The following NOL4L variants were observed in gnomAD, a reference collection of about 807,000 sequenced individuals.
The protein encoded by NOL4L is nucleolar protein 4-like.
In NOL4L, 7 loss-of-function variants were observed where a neutral mutation model predicts 64.5. The ratio of observed to expected loss-of-function variants is 0.11; its 90% CI spans 0.06 to 0.20. The LOEUF (loss-of-function observed/expected upper bound fraction) is 0.20, where lower values mean the gene tolerates loss of function less well. Among genes scored for constraint, NOL4L ranks in the 10% least tolerant of loss-of-function variants. The pLI is 1.00. For missense variants in NOL4L, 680 were observed against 967.1 expected (o/e 0.70, Z 3.94); for synonymous variants, 413 against 401.0 (o/e 1.03, Z -0.36).
At chr20:32,528,784 A>C (rs1461017250) in intron 1 of NOL4L, among the ~76,000 whole-genome samples, 3 of 152,212 alleles carry the variant, frequency 2.0e-5, no homozygotes, top group Non-Finnish European at 4.4e-5. Context: ...CACAAGGGAG[A>C]TACACAGACC....
At chr20:32,540,751 G>A (rs531509331) in intron 1 of NOL4L, among the ~76,000 whole-genome samples, 8 of 152,096 alleles carry the variant, frequency 5.3e-5, no homozygotes, top group African/African-American at 1.2e-4. Flanking sequence ...GAAAGCCCTC[G>A]GTCCGTGTTT....
intron 4 of NOL4L, among the ~76,000 whole-genome samples, chr20:32,488,816 T>G (rs1238008514): frequency 5.1e-5 from 1 of 19,544 alleles, no homozygotes; most frequent in East Asian, 3.5e-3. Flanking sequence ...TTTCTTTCTT[T>G]CTTTCTTTCT....
chr20:32,578,749 C>T (rs1176146657), intron 1 of NOL4L, among the ~76,000 whole-genome samples: 2 of 152,310 alleles, frequency 1.3e-5, no homozygotes, highest in African/African-American at 4.8e-5. Flanking sequence ...CTGAGAGAGG[C>T]CAGGCAGGCT....
chr20:32,568,907 T>C (rs572387829), intron 1 of NOL4L, among the ~76,000 whole-genome samples: 15 of 152,296 alleles, frequency 9.8e-5, no homozygotes, highest in African/African-American at 3.6e-4. Context: ...AGCCCTCATG[T>C]TGGCCCCACA....
chr20:32,473,061 C>T (rs1435117794), intron 5 of NOL4L, among the ~76,000 whole-genome samples: 1 of 152,230 alleles, frequency 6.6e-6, no homozygotes, highest in South Asian at 2.1e-4. Flanking sequence ...AATCACCAGA[C>T]CTCCCCAGGA....
At chr20:32,475,509 G>C (rs566269559) in intron 4 of NOL4L, among the ~76,000 whole-genome samples, 1 of 152,226 alleles carries the variant, frequency 6.6e-6, no homozygotes, top group African/African-American at 2.4e-5. Flanking sequence ...TGCCGGCTTC[G>C]GGCCGGCCCT....
rs1393860147 is a variant in NOL4L, at chr20:32,453,751, T to C, written c.1130A>G (p.Tyr377Cys). ...GVKTTPESPP[Y>C]SSGSYDSIKT... ...GATGGAATCGTAGCTCCCAGAGCTG[T>C]AGGGGGGGGACTAAAAGGAGGGCAA... Residue 377 changes from tyrosine (Y) to cysteine (C), a missense_variant, in exon 7 of 11, where the codon TAC becomes TGC. This residue lies in a region of NOL4L where 254 missense variants were observed against 238.7 expected (regional missense o/e 1.06). Coordinates refer to ENST00000621426, the MANE Select transcript of NOL4L (RefSeq NM_001256798.2). The surrounding 1 kb of genome is among the most constrained non-coding windows in gnomAD (Gnocchi z 5.6). 6.4e-7 allele frequency: 1 copy of C among 1,552,918 alleles called. No individual in the cohort carries two copies. The highest frequency in any genetic ancestry group is 8.7e-7 in the Non-Finnish European group (1 of 1,147,636).
intron 1 of NOL4L, among the ~76,000 whole-genome samples, chr20:32,542,649 C>T (rs558336557): frequency 1.3e-5 from 2 of 152,306 alleles, no homozygotes; most frequent in Admixed American, 6.5e-5. Context: ...CCACTGTGCT[C>T]AGCCCCTACT....
At chr20:32,502,522 G>A (rs1044392801) in intron 4 of NOL4L, among the ~76,000 whole-genome samples, 3 of 152,058 alleles carry the variant, frequency 2.0e-5, no homozygotes, top group African/African-American at 7.2e-5. Flanking sequence ...GAATCCGGGA[G>A]GCGGAGGCTG....
At chr20:32,525,119 G>A (rs2018084570) in intron 2 of NOL4L, among the ~76,000 whole-genome samples, 1 of 152,242 alleles carries the variant, frequency 6.6e-6, no homozygotes, top group Non-Finnish European at 1.5e-5. Context: ...GCCAGGAAGT[G>A]CAGAGCAAAG....
At position 32,584,555 on chromosome 20, in the gene NOL4L, C is replaced by G; in HGVS notation, c.321+15G>C. 1.5e-6 allele frequency: 2 copies of G among 1,328,102 alleles called. No individual in the cohort carries two copies. Among genetic ancestry groups the G allele is most frequent in the Non-Finnish European group, 1.9e-6 (2 of 1,033,722 alleles). 82.3% of individuals were successfully genotyped at this position (1,328,102 alleles called of 1,614,324 possible). On this transcript the variant is annotated intron_variant, in intron 1 of 10. Transcript: ENST00000621426. ...CGCGGCGGGACCCGCCCGCGGCCGC[C>G]GCGCGCGCACTCACCGAGCCCGTCT...
At chr20:32,500,235 A>C (rs2016862982) in intron 4 of NOL4L, among the ~76,000 whole-genome samples, 1 of 152,192 alleles carries the variant, frequency 6.6e-6, no homozygotes, top group Non-Finnish European at 1.5e-5. Context: ...TTTTATACAA[A>C]ATATATAGAG....
intron 4 of NOL4L, chr20:32,486,894 AAGAG>A: frequency 2.4e-6 from 1 of 416,724 alleles, no homozygotes; most frequent in South Asian, 1.8e-5. Context: ...GAAATCCAGA[AAGAG>A]AAACTCCACA....
intron 1 of NOL4L, among the ~76,000 whole-genome samples, chr20:32,549,284 A>AT: frequency 6.6e-6 from 1 of 152,164 alleles, no homozygotes; most frequent in Non-Finnish European, 1.5e-5. Context: ...AAGTAATACA[A>AT]TTTTTTTAAC....
At chr20:32,566,567 C>T (rs1416523685) in intron 1 of NOL4L, among the ~76,000 whole-genome samples, 1 of 152,142 alleles carries the variant, frequency 6.6e-6, no homozygotes, top group African/African-American at 2.4e-5. Context: ...CCTTGCAGTT[C>T]CTCAAACCAA....
rs1297422897 is a variant in NOL4L, at chr20:32,509,847, G to A, written c.699+1500C>T. ...AAACCAGGGGGCTGTGCTTCCGGCT[G>A]TTTGTGCGGTTTTGTGCTTCATTCT... On this transcript the variant is annotated intron_variant, in intron 4 of 10. Transcript: ENST00000621426. The A allele has an allele frequency of 6.1e-6, 8 of 1,304,146 alleles. No individual in the cohort carries two copies. The Admixed American group carries it at 1.6e-4, about 26-fold the overall frequency. The allele number at this position is 1,304,146 out of a possible 1,614,324, so 80.8% of individuals were successfully genotyped here.
rs11305733 is a variant in NOL4L at position 32,520,285 on chromosome 20, CAA to C, written c.589+524_589+525del. On this transcript the variant is annotated intron_variant, in intron 3 of 10. Transcript: ENST00000621426. ...TGGGCGACAGAGCGAGACTTTGTCT[CAA>C]AAAAAAAAAAAAAAATTATCATCAG... is the stretch of plus-strand genomic sequence containing the variant. The C allele has an allele frequency of 6.2e-3, 806 of 129,474 alleles. 7 individuals carry two copies. Among genetic ancestry groups the C allele is most frequent in the African/African-American group, 0.019 (713 of 36,748 alleles). The allele number at this position is 129,474 out of a possible 1,614,324, so 8.0% of individuals were successfully genotyped here. A position where few individuals can be genotyped will look rare whatever the true frequency, so the allele number is the denominator to read the frequency against.
intron 1 of NOL4L, among the ~76,000 whole-genome samples, chr20:32,554,709 T>C (rs533760037): frequency 6.6e-6 from 1 of 152,226 alleles, no homozygotes; most frequent in East Asian, 1.9e-4. Flanking sequence ...ACAATACTGT[T>C]TGTCAAGAGT....
chr20:32,493,006 C>T (rs985476202), intron 4 of NOL4L, among the ~76,000 whole-genome samples: 4 of 152,144 alleles, frequency 2.6e-5, no homozygotes, highest in African/African-American at 9.7e-5. Context: ...TCCACCAGTG[C>T]GAGTCAGATG....
Sources: allele counts gnomAD v4.1 joint callset (sites outside exome capture counted in the v4.1 genomes callset), GRCh38; gene constraint gnomAD v4.1.1; regional missense constraint gnomAD v4.1.1; non-coding constraint Gnocchi (gnomAD v3.1); transcripts MANE v1.5; gene names NCBI Gene and HGNC (gene_info 2026-07-23, HGNC 2026-07-21).